DNAJC13: variants seen among roughly 807,000 people sequenced by gnomAD.
DNAJC13 encodes DnaJ heat shock protein family (Hsp40) member C13, also known as dnaJ homolog subfamily C member 13.
Under a neutral mutation model 290.5 loss-of-function variants are expected in DNAJC13, and 75 were observed. That is an observed-to-expected ratio of 0.26 (90% CI 0.21 to 0.31). The LOEUF is 0.31. Among genes scored for constraint, DNAJC13 ranks in the 10% least tolerant of loss-of-function variants. DNAJC13 has a pLI of 1.00. For missense variants in DNAJC13, 2,260 were observed against 2,674.5 expected (o/e 0.85, Z 3.42); for synonymous variants, 862 against 892.0 (o/e 0.97, Z 0.60).
intron 2 of DNAJC13, among the ~76,000 whole-genome samples, chr3:132,444,618 T>C (rs1420093007): frequency 6.6e-6 from 1 of 152,262 alleles, no homozygotes; most frequent in Non-Finnish European, 1.5e-5. Flanking sequence ...AGGAGTTTCA[T>C]GTTTGACTTT....
chr3:132,484,582 T>C lies in DNAJC13; in HGVS notation c.3183-6T>C, dbSNP rs1289821708. On this transcript the variant is annotated splice_region_variant and splice_polypyrimidine_tract_variant and intron_variant, in intron 28 of 55. Coordinates refer to ENST00000260818, the MANE Select transcript of DNAJC13 (RefSeq NM_015268.4). Reference sequence around the variant, plus strand: ...TTAAATGTTGACGTGAGAAAATGTTTTCTAGGGATCAAGACAATGCCATCA... The same window carrying C: ...TTAAATGTTGACGTGAGAAAATGTTCTCTAGGGATCAAGACAATGCCATCA... The C allele has an allele frequency of 6.2e-7, 1 of 1,613,482 alleles. No homozygotes were observed. Among genetic ancestry groups the C allele is most frequent in the Non-Finnish European group, 8.5e-7 (1 of 1,179,592 alleles).
intron 55 of DNAJC13, among the ~76,000 whole-genome samples, chr3:132,532,212 T>C (rs1012685302): frequency 6.6e-6 from 1 of 152,218 alleles, no homozygotes; most frequent in African/African-American, 2.4e-5. Context: ...ACCCAGGGTT[T>C]CTAAGCCATT....
chr3:132,479,027 T>C (rs1934569082), intron 24 of DNAJC13, among the ~76,000 whole-genome samples, 200 bp from the exon 25 acceptor site: 1 of 152,224 alleles, frequency 6.6e-6, no homozygotes, highest in Non-Finnish European at 1.5e-5. Context: ...CTAGGGAGAT[T>C]AGACAAGTTA....
chr3:132,426,552 A>G (rs1939095920), intron 1 of DNAJC13, among the ~76,000 whole-genome samples: 1 of 152,194 alleles, frequency 6.6e-6, no homozygotes, highest in Non-Finnish European at 1.5e-5. Flanking sequence ...TACATTTTTT[A>G]GTTGGACAGT....
chr3:132,477,907 A>G lies in DNAJC13; in HGVS notation c.2549+15A>G, dbSNP rs747027345. The G allele has an allele frequency of 8.7e-6, 14 of 1,607,402 alleles. No homozygotes were observed. The highest frequency in any genetic ancestry group is 4.5e-5 in the South Asian group (4 of 89,414). ...ATTAAGAGATCGTGAGCTACTCTGT[A>G]TATCCTGTCGCATTTGTTTTCACTG... On this transcript the variant is annotated intron_variant, in intron 23 of 55. Coordinates refer to ENST00000260818, the MANE Select transcript of DNAJC13 (RefSeq NM_015268.4).
intron 44 of DNAJC13, among the ~76,000 whole-genome samples, chr3:132,511,993 G>A (rs1214545068): frequency 1.3e-5 from 2 of 152,094 alleles, no homozygotes; most frequent in African/African-American, 4.8e-5. Flanking sequence ...TAAAATAACA[G>A]TAATTAAATA....
chr3:132,502,373 G>A lies in DNAJC13; in HGVS notation c.4621G>A (p.Ala1541Thr). ...CTGGCTACAGACACACCTATTTCAG[G>A]CTGGAATTTTGTGGTATCTCCTTGG... Reference protein sequence around the residue: ...DFWLQTHLFQAGILWYLLGFL... With the variant: ...DFWLQTHLFQTGILWYLLGFL... The change falls in exon 40 of 56, where the codon GCT becomes ACT. Residue 1541 changes from alanine to threonine, a missense_variant. Ala to Thr is a moderately conservative substitution (Grantham distance 58, BLOSUM62 0). Coordinates refer to ENST00000260818, the MANE Select transcript of DNAJC13 (RefSeq NM_015268.4). The A allele has an allele frequency of 6.2e-7, 1 of 1,613,952 alleles. No individual in the cohort carries two copies. The highest frequency in any genetic ancestry group is 1.1e-5 in the South Asian group (1 of 91,070).
intron 33 of DNAJC13, 53 bp from the exon 34 acceptor site, chr3:132,494,091 T>C (rs1232204910): frequency 8.3e-7 from 1 of 1,208,024 alleles, no homozygotes; most frequent in Non-Finnish European, 1.2e-6. Flanking sequence ...ACTTAAAAAT[T>C]ATACTCTGAA....
chr3:132,429,983 T>G (rs1272924219), intron 1 of DNAJC13, among the ~76,000 whole-genome samples: 1 of 152,218 alleles, frequency 6.6e-6, no homozygotes, highest in African/African-American at 2.4e-5. Flanking sequence ...ACTGATGATA[T>G]GAACTTCTGG....
chr3:132,507,010 G>A (rs570110795), intron 42 of DNAJC13, among the ~76,000 whole-genome samples: 2 of 152,202 alleles, frequency 1.3e-5, no homozygotes, highest in South Asian at 4.2e-4. Context: ...GCTGACCTCT[G>A]ATCCTTTGAA....
intron 24 of DNAJC13, among the ~76,000 whole-genome samples, chr3:132,478,864 GTATATGTTT>G (rs1934564117): frequency 6.6e-6 from 1 of 152,154 alleles, no homozygotes; most frequent in Non-Finnish European, 1.5e-5. Flanking sequence ...TTGTTGCAGT[GTATATGTTT>G]TATACTTTCT....
chr3:132,536,883 A>G (rs1206212505), intron 55 of DNAJC13, among the ~76,000 whole-genome samples: 3 of 152,144 alleles, frequency 2.0e-5, no homozygotes, highest in Admixed American at 2.0e-4. Context: ...AAGTTCTACA[A>G]GTACAAGGTT....
chr3:132,498,627 T>C (rs1044801865), intron 36 of DNAJC13, among the ~76,000 whole-genome samples: 1 of 152,088 alleles, frequency 6.6e-6, no homozygotes, highest in African/African-American at 2.4e-5. Flanking sequence ...TTATAGTAGG[T>C]TTAATTTCTT....
chr3:132,491,458 G>A (rs570439147), intron 32 of DNAJC13, among the ~76,000 whole-genome samples: 5 of 152,114 alleles, frequency 3.3e-5, no homozygotes, highest in African/African-American at 1.2e-4. Flanking sequence ...AATTTGGATC[G>A]ATGAATCAGA....
At chr3:132,461,537 T>C (rs1933797056) in intron 15 of DNAJC13, among the ~76,000 whole-genome samples, 1 of 152,234 alleles carries the variant, frequency 6.6e-6, no homozygotes, top group African/African-American at 2.4e-5. Flanking sequence ...GCTTGATCTA[T>C]AATATTGACG....
At chr3:132,434,504 A>G in intron 1 of DNAJC13, 34 bp from the exon 2 acceptor site, 1 of 1,463,138 alleles carries the variant, frequency 6.8e-7, no homozygotes, top group Non-Finnish European at 9.5e-7. Context: ...GATATATAAC[A>G]TGTACTAAGT....
At chr3:132,481,702 G>A (rs1022055551) in intron 26 of DNAJC13, among the ~76,000 whole-genome samples, 2 of 152,166 alleles carry the variant, frequency 1.3e-5, no homozygotes, top group African/African-American at 4.8e-5. Flanking sequence ...TGTAGTAAGG[G>A]TAATAGGTAT....
At chr3:132,445,620 A>G (rs1933221873) in intron 2 of DNAJC13, among the ~76,000 whole-genome samples, 1 of 152,088 alleles carries the variant, frequency 6.6e-6, no homozygotes. Context: ...ATTCTTCAAT[A>G]TAAGGGTTGA....
intron 29 of DNAJC13, among the ~76,000 whole-genome samples, chr3:132,484,904 AC>A (rs1307371539): frequency 6.6e-6 from 1 of 151,970 alleles, no homozygotes; most frequent in Non-Finnish European, 1.5e-5. Context: ...CCCCATCTCT[AC>A]AAAAAATAAA....
Sources: gnomAD v4.1 joint callset for allele counts (sites outside exome capture counted in the v4.1 genomes callset) on GRCh38, gnomAD v4.1.1 for gene constraint, MANE v1.5 for transcripts, NCBI Gene and HGNC (gene_info 2026-07-23, HGNC 2026-07-21) for gene names.